GRM8: variants seen among roughly 807,000 people sequenced by gnomAD.
GRM8 encodes metabotropic glutamate receptor 8.
Under a neutral mutation model 87.2 loss-of-function variants are expected in GRM8, and 47 were observed. That is an observed-to-expected ratio of 0.54 (90% CI 0.43 to 0.69). The LOEUF is 0.69. GRM8 is among the 30% of genes least tolerant of loss of function. The pLI is 0.00. For synonymous variants in GRM8, 396 were observed against 404.5 expected (o/e 0.98, Z 0.25); for missense variants, 1,019 against 1,139.2 (o/e 0.89, Z 1.52).
intron 3 of GRM8, among the ~76,000 whole-genome samples, chr7:127,040,490 G>C (rs537332587): frequency 2.6e-5 from 4 of 151,914 alleles, no homozygotes; most frequent in Non-Finnish European, 4.4e-5. Context: ...TTCTCTCAAG[G>C]ACAAATATTT....
At chr7:127,176,267 C>T (rs930044060) in intron 2 of GRM8, among the ~76,000 whole-genome samples, 1 of 151,648 alleles carries the variant, frequency 6.6e-6, no homozygotes, top group African/African-American at 2.4e-5. Context: ...AATACTGGAA[C>T]AAAAAAAGAA....
chr7:126,542,976 T>G (rs1223152355), intron 8 of GRM8, among the ~76,000 whole-genome samples: 1 of 152,154 alleles, frequency 6.6e-6, no homozygotes, highest in Non-Finnish European at 1.5e-5. Flanking sequence ...GGGCAAAAGA[T>G]GAATGAAAAG....
chr7:126,533,051 G>T lies in GRM8; in HGVS notation c.2331C>A (p.Phe777Leu). 6.2e-7 allele frequency: 1 copy of T among 1,613,426 alleles called. No homozygotes were observed. Among genetic ancestry groups the T allele is most frequent in the Non-Finnish European group, 8.5e-7 (1 of 1,179,702 alleles). ...TAAATCCAATAGGTTTGGCTTCATT[G>T]AAAGTCTCTGGGACACCTCTCGTTT... ...AIKTRGVPET[F>L]NEAKPIGFTM... is the part of the protein sequence containing the mutation. Residue 777 changes from phenylalanine to leucine, a missense_variant, in exon 9 of 11, where the codon TTC becomes TTA. By Grantham distance (22) the Phe-to-Leu change is conservative. Coordinates refer to ENST00000339582, the MANE Select transcript of GRM8 (RefSeq NM_000845.3).
rs1817701403 is a variant in GRM8, at chr7:126,762,657, G to C, written c.1357+7208C>G. Among the ~76,000 whole-genome samples the C allele has an allele frequency of 2.6e-5, 4 of 151,756 alleles. No individual in the cohort carries two copies. In the South Asian group the frequency reaches 8.3e-4, roughly 31 times the overall value. On this transcript the variant is annotated intron_variant, in intron 7 of 10. Coordinates refer to ENST00000339582, the MANE Select transcript of GRM8 (RefSeq NM_000845.3). ...AGTATTTTAAATTTTAATTATGAGA[G>C]TAAATGAGCAAAAATAACTAGAGTG...
chr7:126,834,539 G>T (rs1445745672), intron 6 of GRM8, among the ~76,000 whole-genome samples: 1 of 152,132 alleles, frequency 6.6e-6, no homozygotes, highest in Non-Finnish European at 1.5e-5. Flanking sequence ...AAAATGTATG[G>T]TTGTAAATGG....
intron 3 of GRM8, among the ~76,000 whole-genome samples, chr7:127,066,512 A>AT (rs968639711): frequency 4.0e-5 from 6 of 151,470 alleles, no homozygotes; most frequent in Middle Eastern, 3.5e-3. Context: ...GGTATTCTTT[A>AT]TTTTTTTTTA....
chr7:126,474,562 C>A (rs1251125905), intron 9 of GRM8, among the ~76,000 whole-genome samples: 1 of 152,156 alleles, frequency 6.6e-6, no homozygotes, highest in African/African-American at 2.4e-5. Flanking sequence ...CCATGCCCAA[C>A]CTACATGCAT....
At position 126,828,478 on chromosome 7, in the gene GRM8, A is replaced by G. The variant is rs192962826; in HGVS notation, c.1157-58413T>C. On this transcript the variant is annotated intron_variant, in intron 6 of 10. Coordinates refer to ENST00000339582, the MANE Select transcript of GRM8 (RefSeq NM_000845.3). ...GTCGAGGAATTTATCCATTTCTTCT[A>G]GATTTTCTAGTTTATTTATGTAGAG... Among the ~76,000 whole-genome samples the G allele has an allele frequency of 1.7e-3, 254 of 152,252 alleles. 1 individual carries two copies. Among genetic ancestry groups the G allele is most frequent in the African/African-American group, 5.9e-3 (246 of 41,546 alleles).
At chr7:127,188,087 C>A (rs1393369143) in intron 2 of GRM8, among the ~76,000 whole-genome samples, 1 of 152,170 alleles carries the variant, frequency 6.6e-6, no homozygotes, top group East Asian at 1.9e-4. Context: ...TTAAAAATTC[C>A]TTTCTTTGAC....
chr7:126,961,418 G>A (rs559012655), intron 3 of GRM8, among the ~76,000 whole-genome samples: 3 of 152,214 alleles, frequency 2.0e-5, no homozygotes, highest in Admixed American at 6.5e-5. Context: ...TACCATCACC[G>A]TGTGTAAGTG....
intron 7 of GRM8, among the ~76,000 whole-genome samples, chr7:126,648,522 T>G (rs1003003916): frequency 6.6e-6 from 1 of 152,238 alleles, no homozygotes; most frequent in African/African-American, 2.4e-5. Flanking sequence ...TAGTTTTCTT[T>G]GTGCAGTGTC....
chr7:126,532,877 A>G, intron 9 of GRM8, 75 bp downstream of exon 9: 7 of 825,910 alleles, frequency 8.5e-6, no homozygotes, highest in Non-Finnish European at 1.4e-5. Context: ...TGAACCAAAT[A>G]AAAGGAGGAA....
At chr7:126,680,233 A>G (rs963546747) in intron 7 of GRM8, among the ~76,000 whole-genome samples, 2 of 152,136 alleles carry the variant, frequency 1.3e-5, no homozygotes, top group Non-Finnish European at 2.9e-5. Context: ...AAAACTGTCA[A>G]TCTCATTGAC....
chr7:126,947,930 A>G (rs1440405535), intron 3 of GRM8, among the ~76,000 whole-genome samples: 1 of 152,186 alleles, frequency 6.6e-6, no homozygotes, highest in African/African-American at 2.4e-5. Context: ...AAGGGTGAGG[A>G]AGCTAAGGTC....
In GRM8 at chr7:126,577,319, T is replaced by A. The variant is rs141984775; in HGVS notation, c.1494+32043A>T. The stretch of plus-strand genomic sequence containing the variant: ...TCTGCAGTTACCTAAAGGAACTTCC[T>A]AGAAGTCTTGATTTAGTGTAATCAT... On this transcript the variant is annotated intron_variant, in intron 8 of 10. Coordinates refer to ENST00000339582, the MANE Select transcript of GRM8 (RefSeq NM_000845.3). 1.5e-4 allele frequency among the ~76,000 whole-genome samples: 23 copies of A among 152,298 alleles called. No individual in the cohort carries two copies. In the East Asian group the frequency reaches 4.4e-3, roughly 29 times the overall value.
chr7:126,618,175 A>G (rs1799728831), intron 7 of GRM8, among the ~76,000 whole-genome samples: 1 of 152,196 alleles, frequency 6.6e-6, no homozygotes, highest in Admixed American at 6.5e-5. Context: ...GTACCAAAAC[A>G]GAGATATAGA....
intron 2 of GRM8, among the ~76,000 whole-genome samples, chr7:127,147,888 G>A (rs998692890): frequency 5.3e-5 from 8 of 152,094 alleles, no homozygotes; most frequent in South Asian, 2.1e-4. Flanking sequence ...AGAAGAGCAC[G>A]GTAAGCTTTG....
At chr7:126,690,299 G>T (rs150126718) in intron 7 of GRM8, among the ~76,000 whole-genome samples, 1 of 152,350 alleles carries the variant, frequency 6.6e-6, no homozygotes, top group Non-Finnish European at 1.5e-5. Flanking sequence ...GTGGTGAGGG[G>T]TATGTGAGCA....
chr7:127,009,379 C>T (rs960054908), intron 3 of GRM8, among the ~76,000 whole-genome samples: 5 of 152,072 alleles, frequency 3.3e-5, no homozygotes, highest in Admixed American at 6.6e-5. Context: ...TTCCATAAGA[C>T]GCTAAAGTGT....
Sources: allele counts gnomAD v4.1 joint callset (sites outside exome capture counted in the v4.1 genomes callset), GRCh38; gene constraint gnomAD v4.1.1; transcripts MANE v1.5; gene names NCBI Gene and HGNC (gene_info 2026-07-23, HGNC 2026-07-21).